Variants in CGNL1 observed in about 807,000 individuals in gnomAD.
CGNL1 encodes the protein cingulin like 1, also known as cingulin-like protein 1.
CGNL1 carries 132 observed loss-of-function variants against 141.2 expected under a neutral mutation model. That is an observed-to-expected ratio of 0.93 (90% CI 0.81 to 1.08). The LOEUF is 1.08. CGNL1 is among the 50% of genes least tolerant of loss of function. CGNL1 has a pLI of 0.00. For synonymous variants in CGNL1, 690 were observed against 622.1 expected (o/e 1.11, Z -1.63); for missense variants, 1,870 against 1,588.6 (o/e 1.18, Z -3.01).
At chr15:57,411,148 C>G (rs1402956838) in intron 1 of CGNL1, among the ~76,000 whole-genome samples, 1 of 152,186 alleles carries the variant, frequency 6.6e-6, no homozygotes, top group Non-Finnish European at 1.5e-5. Context: ...TGGACTCCAT[C>G]CACAGACACA....
intron 14 of CGNL1, among the ~76,000 whole-genome samples, chr15:57,534,287 T>G (rs551720091): frequency 6.6e-6 from 1 of 152,328 alleles, no homozygotes; most frequent in Admixed American, 6.5e-5. Context: ...GCCTGGTGTT[T>G]GTTATAAGTG....
intron 5 of CGNL1, 64 bp downstream of exon 5, chr15:57,451,665 C>T (rs1595718234): frequency 8.1e-7 from 1 of 1,230,894 alleles, no homozygotes; most frequent in East Asian, 2.4e-5. Flanking sequence ...GAATATTTTA[C>T]ATGCATTGGG....
At chr15:57,436,457 T>C (rs2063106898) in intron 1 of CGNL1, among the ~76,000 whole-genome samples, 1 of 152,194 alleles carries the variant, frequency 6.6e-6, no homozygotes, top group South Asian at 2.1e-4. Flanking sequence ...AGTGGAAAGA[T>C]AGAAGGGGTG....
chr15:57,476,695 C>G (rs1460795714), intron 8 of CGNL1, among the ~76,000 whole-genome samples: 1 of 152,174 alleles, frequency 6.6e-6, no homozygotes, highest in African/African-American at 2.4e-5. Context: ...AAGTTAGATG[C>G]AATGGAAAAA....
rs780704389 is a variant in CGNL1, at chr15:57,438,463, A to G, written c.464A>G (p.Tyr155Cys). The change falls in exon 2 of 19, where the codon TAT becomes TGT. Residue 155 changes from tyrosine (Y) to cysteine (C), a missense_variant. Tyr to Cys is a radical substitution (Grantham distance 194). Coordinates refer to ENST00000281282, the MANE Select transcript of CGNL1 (RefSeq NM_032866.5). Reference sequence around the variant, plus strand: ...AGGCATCCAGAGCTTTTGCAACCCTATGACCCTGAAAAGAATGAGTTGAAT... The same window carrying G: ...AGGCATCCAGAGCTTTTGCAACCCTGTGACCCTGAAAAGAATGAGTTGAAT... ...FQRHPELLQP[Y>C]DPEKNELNLQ... The G allele has an allele frequency of 1.4e-5, 22 of 1,614,044 alleles. No homozygotes were observed. The highest frequency in any genetic ancestry group is 5.0e-5 in the Admixed American group (3 of 60,002).
intron 12 of CGNL1, among the ~76,000 whole-genome samples, chr15:57,525,469 G>A (rs1277314540): frequency 2.6e-5 from 4 of 152,154 alleles, no homozygotes; most frequent in South Asian, 2.1e-4. Context: ...CCAGTTTTCT[G>A]AGCATATGTT....
intron 8 of CGNL1, among the ~76,000 whole-genome samples, chr15:57,464,971 C>T (rs539538387): frequency 5.9e-5 from 9 of 152,048 alleles, no homozygotes; most frequent in African/African-American, 2.2e-4. Flanking sequence ...AGGCTGGTCT[C>T]GAACACCTGG....
chr15:57,533,820 A>G (rs1251763463), intron 14 of CGNL1, among the ~76,000 whole-genome samples: 1 of 152,164 alleles, frequency 6.6e-6, no homozygotes, highest in South Asian at 2.1e-4. Flanking sequence ...AAATATTTCC[A>G]CTAAGCCAAG....
Position 57,543,699 on chromosome 15 carries a change from G to C in CGNL1, c.3295G>C (p.Glu1099Gln), listed in dbSNP as rs748385811. ...ERISRSREQM[E>Q]QLRNELLQER... The stretch of plus-strand genomic sequence containing the variant: ...GCTTTTGTTCTGCTTGCTGTAGATG[G>C]AGCAGTTGAGGAATGAGCTACTTCA... The change falls in exon 15 of 19, where the codon GAG becomes CAG. Residue 1099 changes from glutamate (E) to glutamine (Q), a missense_variant. Physicochemically the swap from Glu to Gln is conservative, Grantham distance 29. Coordinates refer to ENST00000281282, the MANE Select transcript of CGNL1 (RefSeq NM_032866.5). 5 of 1,613,168 alleles carry C rather than the reference G, an allele frequency of 3.1e-6. No homozygotes were observed. The African/African-American group carries it at 6.7e-5, about 22-fold the overall frequency.
At position 57,442,411 on chromosome 15, in the gene CGNL1, A is replaced by AC. The variant is rs1338156749; in HGVS notation, c.1737dup (p.Val581GlyfsTer3). 2 of 1,613,768 alleles carry AC rather than the reference A, an allele frequency of 1.2e-6. No homozygotes were observed. The highest frequency in any genetic ancestry group is 1.7e-6 in the Non-Finnish European group (2 of 1,179,748). ...GACGATGCTACTAAAAGGAAAGTCA[A>AC]CTTGGTCTTTGAGAAAATCCAGACC... is the stretch of plus-strand genomic sequence containing the variant. On this transcript the variant is annotated frameshift_variant, in exon 4 of 19. Coordinates refer to ENST00000281282, the MANE Select transcript of CGNL1 (RefSeq NM_032866.5). LOFTEE classifies it high-confidence loss of function.
At chr15:57,502,229 G>A (rs1335638859) in intron 8 of CGNL1, among the ~76,000 whole-genome samples, 1 of 152,154 alleles carries the variant, frequency 6.6e-6, no homozygotes. Flanking sequence ...TCGTTTGGAG[G>A]AAGGACACAC....
chr15:57,439,155 T>A lies in CGNL1; in HGVS notation c.1156T>A (p.Ser386Thr), dbSNP rs1212850968. ...NRINTDDRKR[S>T]RSVDSAFPFG... The stretch of plus-strand genomic sequence containing the variant: ...AATTAATACAGATGACAGGAAAAGA[T>A]CCAGAAGCGTGGATAGCGCCTTTCC... The change falls in exon 2 of 19, where the codon TCC (serine) becomes ACC (threonine). Residue 386 changes from serine (S) to threonine (T), a missense_variant. Transcript: ENST00000281282. 1 of 1,613,996 alleles carries A rather than the reference T, an allele frequency of 6.2e-7. No homozygotes were observed. Among genetic ancestry groups the A allele is most frequent in the Non-Finnish European group, 8.5e-7 (1 of 1,180,032 alleles).
chr15:57,482,488 G>A (rs919344429), intron 8 of CGNL1, among the ~76,000 whole-genome samples: 2 of 152,168 alleles, frequency 1.3e-5, no homozygotes, highest in African/African-American at 4.8e-5. Context: ...TTAGTTTGAG[G>A]TTTATTTATT....
intron 16 of CGNL1, 21 bp from the exon 17 acceptor site, chr15:57,545,571 G>A: frequency 6.2e-7 from 1 of 1,605,178 alleles, no homozygotes; most frequent in South Asian, 1.1e-5. Context: ...AGGGTTCTTG[G>A]TTCTGTCTCC....
intron 9 of CGNL1, among the ~76,000 whole-genome samples, chr15:57,517,996 T>TAAA (rs61279417): frequency 6.8e-6 from 1 of 147,312 alleles, no homozygotes; most frequent in African/African-American, 2.5e-5. Context: ...ATATTTCTAT[T>TAAA]AAAAAAAAAA....
rs745973982 is a variant in CGNL1 at position 57,438,837 on chromosome 15, C to G, written c.838C>G (p.Arg280Gly). Residue 280 changes from arginine to glycine, a missense_variant, in exon 2 of 19, where the codon CGA becomes GGA. Coordinates refer to ENST00000281282, the MANE Select transcript of CGNL1 (RefSeq NM_032866.5). ...CAGGCCAGATGTTCTTCCCTTCCGG[C>G]GACAGGATTCAGCGGGACCCGTCCT... ...KTRPDVLPFR[R>G]QDSAGPVLDG... 2.0e-5 allele frequency: 32 copies of G among 1,614,048 alleles called. No individual in the cohort carries two copies. Among genetic ancestry groups the G allele is most frequent in the Non-Finnish European group, 2.6e-5 (31 of 1,180,044 alleles).
In CGNL1 at chr15:57,438,539, A is replaced by G; in HGVS notation, c.540A>G (p.Glu180=). Residue 180 remains glutamate (E), a synonymous_variant, in exon 2 of 19, where the codon GAA becomes GAG. Coordinates refer to ENST00000281282, the MANE Select transcript of CGNL1 (RefSeq NM_032866.5). ...GTAATTGGCTAAAAACGTTGACAGA[A>G]GAAGGCATCAACAATAAGAAGCCTT... The part of the protein sequence containing the change: ...SESNWLKTLT[E]EGINNKKPWT... The G allele has an allele frequency of 6.2e-7, 1 of 1,613,992 alleles. No individual in the cohort carries two copies. The highest frequency in any genetic ancestry group is 2.2e-5 in the East Asian group (1 of 44,892).
chr15:57,431,080 A>G (rs1428666963), intron 1 of CGNL1, among the ~76,000 whole-genome samples: 1 of 152,116 alleles, frequency 6.6e-6, no homozygotes, highest in Non-Finnish European at 1.5e-5. Context: ...TAGTAAAAGG[A>G]GCCTTTTTAC....
At chr15:57,473,679 G>T (rs1185166163) in intron 8 of CGNL1, among the ~76,000 whole-genome samples, 1 of 152,066 alleles carries the variant, frequency 6.6e-6, no homozygotes, top group Non-Finnish European at 1.5e-5. Context: ...CTGCCATGTT[G>T]TAAGTGCACT....
Sources: allele counts gnomAD v4.1 joint callset (sites outside exome capture counted in the v4.1 genomes callset), GRCh38; gene constraint gnomAD v4.1.1; transcripts MANE v1.5; gene names NCBI Gene and HGNC (gene_info 2026-07-23, HGNC 2026-07-21).